Variants in RPH3A observed in about 807,000 individuals in gnomAD.
The protein encoded by RPH3A is rabphilin 3A.
In RPH3A, 48 loss-of-function variants were observed where a neutral mutation model predicts 102.2. The ratio of observed to expected loss-of-function variants is 0.47; its 90% CI spans 0.37 to 0.60. RPH3A has a LOEUF of 0.60. RPH3A is among the 20% of genes least tolerant of loss of function. RPH3A has a pLI of 0.00. For synonymous variants in RPH3A, 310 were observed against 324.3 expected (o/e 0.96, Z 0.47); for missense variants, 781 against 910.1 (o/e 0.86, Z 1.83).
At chr12:112,697,754 A>C (rs571228296) in intron 1 of RPH3A, among the ~76,000 whole-genome samples, 1 of 152,060 alleles carries the variant, frequency 6.6e-6, no homozygotes, top group Non-Finnish European at 1.5e-5. Context: ...AGTCCTGGCT[A>C]CTCGGGAGGC....
At chr12:112,655,101 AG>A (rs1221345926) in intron 1 of RPH3A, among the ~76,000 whole-genome samples, 10 of 152,212 alleles carry the variant, frequency 6.6e-5, no homozygotes, top group African/African-American at 2.2e-4. Flanking sequence ...CAGACCACAA[AG>A]GGTTTCATTT....
At chr12:112,810,342 C>T (rs1377559947) in intron 2 of RPH3A, among the ~76,000 whole-genome samples, 1 of 152,194 alleles carries the variant, frequency 6.6e-6, no homozygotes, top group African/African-American at 2.4e-5. Flanking sequence ...TGCAACTACC[C>T]CTCACTCACC....
At chr12:112,748,040 T>A (rs183261107) in intron 1 of RPH3A, among the ~76,000 whole-genome samples, 19 of 152,284 alleles carry the variant, frequency 1.2e-4, no homozygotes, top group Middle Eastern at 6.8e-3. Flanking sequence ...TCCATCTAAC[T>A]GCAAGGAAGG....
intron 1 of RPH3A, among the ~76,000 whole-genome samples, chr12:112,755,646 C>T (rs769267122): frequency 3.3e-5 from 5 of 152,048 alleles, no homozygotes; most frequent in African/African-American, 9.7e-5. Context: ...TTCAGCCTGG[C>T]CCTTGAATGA....
chr12:112,893,449 G>T, intron 19 of RPH3A: 1 of 152,194 alleles, frequency 6.6e-6, no homozygotes, highest in East Asian at 1.9e-4. Flanking sequence ...GAATCCAAAT[G>T]TCCCAGCCCT....
chr12:112,679,389 A>G (rs2040211129), intron 1 of RPH3A, among the ~76,000 whole-genome samples: 1 of 151,828 alleles, frequency 6.6e-6, no homozygotes, highest in African/African-American at 2.4e-5. Flanking sequence ...TCCTGACTTC[A>G]TGATCCTCCT....
At chr12:112,803,741 T>A (rs1229529491) in intron 2 of RPH3A, among the ~76,000 whole-genome samples, 1 of 152,192 alleles carries the variant, frequency 6.6e-6, no homozygotes, top group Non-Finnish European at 1.5e-5. Context: ...ATGGACATCA[T>A]TCCAATAAAG....
chr12:112,866,187 C>A (rs961743926), intron 6 of RPH3A, among the ~76,000 whole-genome samples: 14 of 152,196 alleles, frequency 9.2e-5, no homozygotes, highest in African/African-American at 3.1e-4. Flanking sequence ...TCACATTTGA[C>A]ATGTAGAATG....
At chr12:112,677,420 T>TC (rs1476800433) in intron 1 of RPH3A, among the ~76,000 whole-genome samples, 1 of 25,694 alleles carries the variant, frequency 3.9e-5, no homozygotes, top group Non-Finnish European at 8.5e-5. Context: ...CTTCCCTCCT[T>TC]CCTTCCTTCC....
Position 112,758,949 on chromosome 12 carries a change from C to A in RPH3A, c.-139-33194C>A, listed in dbSNP as rs554026849. On this transcript the variant is annotated intron_variant, in intron 1 of 21. Coordinates refer to the RPH3A transcript ENST00000543106. ...TGGCGCTTCCTGGTCATGAATAAAT[C>A]CTCTTAATAAAAAGCAGAAACTAAA... Among the ~76,000 whole-genome samples the A allele has an allele frequency of 3.9e-5, 6 of 152,206 alleles. No individual in the cohort carries two copies. The South Asian group carries it at 1.2e-3, about 32-fold the overall frequency.
chr12:112,631,105 C>T (rs1407222293), intron 1 of RPH3A, among the ~76,000 whole-genome samples: 1 of 152,134 alleles, frequency 6.6e-6, no homozygotes, highest in Non-Finnish European at 1.5e-5. Context: ...CAGTGGGTAA[C>T]TCAGATGGCA....
chr12:112,746,127 T>G (rs2040743848), intron 1 of RPH3A, among the ~76,000 whole-genome samples: 1 of 152,138 alleles, frequency 6.6e-6, no homozygotes, highest in Non-Finnish European at 1.5e-5. Flanking sequence ...TTTTCCTCCC[T>G]TTTTCCTTCT....
chr12:112,588,968 G>A (rs908665788), intron 1 of RPH3A, among the ~76,000 whole-genome samples: 6 of 152,154 alleles, frequency 3.9e-5, no homozygotes, highest in Non-Finnish European at 8.8e-5. Context: ...CTGAAGGATG[G>A]ACAGAGATTA....
chr12:112,856,641 C>T (rs1161298506), intron 5 of RPH3A, among the ~76,000 whole-genome samples: 4 of 152,064 alleles, frequency 2.6e-5, no homozygotes, highest in Non-Finnish European at 5.9e-5. Context: ...AATTTCTCAT[C>T]AATGTGGCCC....
intron 1 of RPH3A, among the ~76,000 whole-genome samples, chr12:112,581,182 T>C (rs1830008047): frequency 6.6e-6 from 1 of 152,164 alleles, no homozygotes; most frequent in Admixed American, 6.6e-5. Context: ...GGGTAATTTA[T>C]AGAGGAAAGA....
Position 112,894,656 on chromosome 12 carries a change from T to C in RPH3A, c.1854T>C (p.Asn618=), listed in dbSNP as rs776963386. The change falls in exon 20 of 22, where the codon AAT becomes AAC. Residue 618 remains asparagine (N), a synonymous_variant. Coordinates refer to ENST00000389385, the MANE Select transcript of RPH3A (RefSeq NM_001143854.2). ...AGAAAACCTTGAATCCCGAATTCAA[T>C]GAGGTAAGGCTGCCCTATTCTTTTT... is the stretch of plus-strand genomic sequence containing the variant. ...IKKKTLNPEF[N]EEFFYDIKHS... 6 of 1,613,380 alleles carry C rather than the reference T, an allele frequency of 3.7e-6. No individual in the cohort carries two copies. Among genetic ancestry groups the C allele is most frequent in the African/African-American group, 2.7e-5 (2 of 74,886 alleles).
intron 1 of RPH3A, among the ~76,000 whole-genome samples, chr12:112,779,136 G>A (rs1565878188): frequency 6.6e-6 from 1 of 152,200 alleles, no homozygotes; most frequent in East Asian, 1.9e-4. Context: ...TAGGAGAAAG[G>A]CTGATGGGAG....
Position 112,858,808 on chromosome 12 carries a change from A to G in RPH3A, c.231-6606A>G, listed in dbSNP as rs373958403. 2.2e-4 allele frequency among the ~76,000 whole-genome samples: 34 copies of G among 152,216 alleles called. No individual in the cohort carries two copies. In the East Asian group the frequency reaches 5.0e-3, roughly 22 times the overall value. ...CCACGTTGGGAACCTGCTTCTCACC[A>G]CCTCCAGAGGCCATCCATTGGTGCC... On this transcript the variant is annotated intron_variant, in intron 5 of 21. Transcript: ENST00000389385.
At chr12:112,704,985 G>A (rs1226564409) in intron 1 of RPH3A, among the ~76,000 whole-genome samples, 4 of 152,164 alleles carry the variant, frequency 2.6e-5, no homozygotes, top group South Asian at 2.1e-4. Context: ...CAAAGTAATC[G>A]CGCTTTAAAT....
Sources: allele counts gnomAD v4.1 joint callset (sites outside exome capture counted in the v4.1 genomes callset), GRCh38; gene constraint gnomAD v4.1.1; transcripts MANE v1.5; gene names NCBI Gene and HGNC (gene_info 2026-07-23, HGNC 2026-07-21).